MVB12B: variants seen among roughly 807,000 people sequenced by gnomAD.
The protein encoded by MVB12B is ESCRT-I complex subunit MVB12B.
Under a neutral mutation model 41.6 loss-of-function variants are expected in MVB12B, and 16 were observed. That is an observed-to-expected ratio of 0.38 (90% CI 0.26 to 0.58). MVB12B has a LOEUF of 0.58. Ranked by LOEUF, MVB12B falls within the 20% of genes least tolerant of loss-of-function variation. The pLI is 0.62. For missense variants in MVB12B, 274 were observed against 380.2 expected (o/e 0.72, Z 2.32); for synonymous variants, 133 against 139.7 (o/e 0.95, Z 0.34).
intron 6 of MVB12B, among the ~76,000 whole-genome samples, chr9:126,400,737 G>A (rs554143390): frequency 6.6e-6 from 1 of 152,306 alleles, no homozygotes; most frequent in African/African-American, 2.4e-5. Context: ...AGAGGAGGAG[G>A]TATGGATAGT....
intron 2 of MVB12B, among the ~76,000 whole-genome samples, chr9:126,357,535 A>G (rs1829915753): frequency 6.6e-6 from 1 of 152,094 alleles, no homozygotes; most frequent in Non-Finnish European, 1.5e-5. Flanking sequence ...TTTTAATCTT[A>G]ACCATTCTAG....
intron 9 of MVB12B, among the ~76,000 whole-genome samples, chr9:126,499,308 G>A (rs1040048652): frequency 6.6e-6 from 1 of 152,138 alleles, no homozygotes; most frequent in Non-Finnish European, 1.5e-5. Context: ...TCTCTTTCCC[G>A]AGAGAGGCCT....
At chr9:126,443,297 T>C (rs181926719) in intron 7 of MVB12B, among the ~76,000 whole-genome samples, 31 of 152,248 alleles carry the variant, frequency 2.0e-4, no homozygotes, top group African/African-American at 7.2e-4. Flanking sequence ...TGTCCCTCTA[T>C]CCTTCCACCA....
At chr9:126,373,236 G>C (rs929932908) in intron 2 of MVB12B, among the ~76,000 whole-genome samples, 4 of 152,266 alleles carry the variant, frequency 2.6e-5, no homozygotes, top group African/African-American at 9.6e-5. Flanking sequence ...CACTGGATTA[G>C]TCAAATGCCT....
At position 126,369,175 on chromosome 9, in the gene MVB12B, TTTAA is replaced by T. The variant is rs562820914; in HGVS notation, c.205-11884_205-11881del. 2.6e-4 allele frequency among the ~76,000 whole-genome samples: 39 copies of T among 152,356 alleles called. 1 individual carries two copies. The South Asian group carries it at 7.9e-3, about 31-fold the overall frequency. The stretch of plus-strand genomic sequence containing the variant: ...ACAGGATGAACATTTTGAAAAAATT[TTTAA>T]TTAAGAAAGGTATTTGTTGTTTGTC... On this transcript the variant is annotated intron_variant, in intron 2 of 9. Coordinates refer to ENST00000361171, the MANE Select transcript of MVB12B (RefSeq NM_033446.3).
At chr9:126,327,224 G>C (rs1265461144) in intron 1 of MVB12B, 1 of 984,288 alleles carries the variant, frequency 1.0e-6, no homozygotes, top group East Asian at 1.1e-4. Context: ...CGGTGCCCGG[G>C]CTCGGCCTGG....
rs1477379642 is a variant in MVB12B, at chr9:126,398,059, C to A, written c.662+2362C>A. 3.3e-5 allele frequency among the ~76,000 whole-genome samples: 5 copies of A among 152,120 alleles called. No homozygotes were observed. The East Asian group carries it at 9.7e-4, about 29-fold the overall frequency. Reference sequence around the variant, plus strand: ...CCCAGACATTAACGTGCGCTGGCAGCCTCCTCCTCCCCTGGCTTCTGCGCC... The same window carrying A: ...CCCAGACATTAACGTGCGCTGGCAGACTCCTCCTCCCCTGGCTTCTGCGCC... On this transcript the variant is annotated intron_variant, in intron 6 of 9. Coordinates refer to ENST00000361171, the MANE Select transcript of MVB12B (RefSeq NM_033446.3).
chr9:126,403,856 C>T (rs1198992141), intron 6 of MVB12B, among the ~76,000 whole-genome samples: 1 of 152,040 alleles, frequency 6.6e-6, no homozygotes, highest in African/African-American at 2.4e-5. Context: ...TTATGCATCG[C>T]CCTTCCATCC....
chr9:126,502,253 C>T (rs187170150), intron 9 of MVB12B, among the ~76,000 whole-genome samples: 7 of 152,260 alleles, frequency 4.6e-5, no homozygotes, highest in Admixed American at 6.5e-5. Flanking sequence ...CACCTGTGTC[C>T]GGCCAGGCAG....
intron 7 of MVB12B, among the ~76,000 whole-genome samples, chr9:126,424,607 C>T (rs1252569783): frequency 6.6e-6 from 1 of 152,222 alleles, no homozygotes; most frequent in Non-Finnish European, 1.5e-5. Context: ...TCTTCCTGTT[C>T]TTTCACATCC....
In MVB12B at chr9:126,486,507, T is replaced by C. The variant is rs1833622190; in HGVS notation, c.873+2475T>C. ...TTTACCATGGGGTCACGGCAGAACCTGTCTCACGGGGTGCTTTGTGATGCC... is the reference window on the plus strand; with the variant it reads ...TTTACCATGGGGTCACGGCAGAACCCGTCTCACGGGGTGCTTTGTGATGCC... On this transcript the variant is annotated intron_variant, in intron 9 of 9. Transcript: ENST00000361171. This position sits in a 1 kb window ranked among gnomAD's most constrained non-coding sequence, Gnocchi z 4.7. Among the ~76,000 whole-genome samples, 1 of 152,234 alleles carries C rather than the reference T, an allele frequency of 6.6e-6. No homozygotes were observed. Among genetic ancestry groups the C allele is most frequent in the African/African-American group, 2.4e-5 (1 of 41,468 alleles).
chr9:126,357,681 T>G (rs542084028), intron 2 of MVB12B, among the ~76,000 whole-genome samples: 1 of 152,306 alleles, frequency 6.6e-6, no homozygotes, highest in South Asian at 2.1e-4. Context: ...TTCACTGGGT[T>G]ATTTGTCTTA....
intron 2 of MVB12B, among the ~76,000 whole-genome samples, chr9:126,375,120 C>T (rs1257144801): frequency 6.6e-6 from 1 of 151,980 alleles, no homozygotes; most frequent in African/African-American, 2.4e-5. Context: ...TTATAATCTC[C>T]TCCCATTAGG....
At chr9:126,450,784 T>C (rs1832873982) in intron 7 of MVB12B, among the ~76,000 whole-genome samples, 1 of 152,204 alleles carries the variant, frequency 6.6e-6, no homozygotes, top group African/African-American at 2.4e-5. Flanking sequence ...ACACAGCTAA[T>C]GAGAGCTGGG....
In MVB12B at chr9:126,505,643, C is replaced by T. The variant is rs1466880718; in HGVS notation, c.*2380C>T. On this transcript the variant is annotated 3_prime_UTR_variant, in exon 10 of 10. Coordinates refer to ENST00000361171, the MANE Select transcript of MVB12B (RefSeq NM_033446.3). ...TTGCCTTCTGAGAGGTGGGTGAGGACAAGCATGTGCCTGTGTGTGTGTGTG... is the reference window on the plus strand; with the variant it reads ...TTGCCTTCTGAGAGGTGGGTGAGGATAAGCATGTGCCTGTGTGTGTGTGTG... The T allele has an allele frequency of 6.7e-6, 1 of 149,110 alleles. No homozygotes were observed. Among genetic ancestry groups the T allele is most frequent in the East Asian group, 2.0e-4 (1 of 5,000 alleles). The allele number at this position is 149,110 out of a possible 1,614,324, so 9.2% of individuals were successfully genotyped here.
chr9:126,371,942 A>G (rs1448929811), intron 2 of MVB12B, among the ~76,000 whole-genome samples: 2 of 152,176 alleles, frequency 1.3e-5, no homozygotes, highest in African/African-American at 4.8e-5. Flanking sequence ...GGTTTTTAGT[A>G]TAGCCACAGA....
In MVB12B at chr9:126,391,759, G is replaced by T. The variant is rs892793432; in HGVS notation, c.410-307G>T. Among the ~76,000 whole-genome samples, 2 of 152,222 alleles carry T rather than the reference G, an allele frequency of 1.3e-5. No individual in the cohort carries two copies. Among genetic ancestry groups the T allele is most frequent in the Admixed American group, 1.3e-4 (2 of 15,288 alleles). ...ATGTGTTAATGCTCAGGGCGTCAGT[G>T]TGCAGGTTTCTGATGGCTGAGCAGT... On this transcript the variant is annotated intron_variant, in intron 4 of 9. Coordinates refer to ENST00000361171, the MANE Select transcript of MVB12B (RefSeq NM_033446.3). The surrounding 1 kb of genome is among the most constrained non-coding windows in gnomAD (Gnocchi z 4.4).
chr9:126,500,692 ACTAT>A (rs1436540567), intron 9 of MVB12B, among the ~76,000 whole-genome samples: 1 of 152,150 alleles, frequency 6.6e-6, no homozygotes, highest in Non-Finnish European at 1.5e-5. Context: ...TGATGGCCTA[ACTAT>A]CCACGCCGTA....
intron 7 of MVB12B, among the ~76,000 whole-genome samples, chr9:126,426,205 T>A (rs1410900601): frequency 6.6e-6 from 1 of 152,216 alleles, no homozygotes; most frequent in Non-Finnish European, 1.5e-5. Flanking sequence ...CAGAAAACAT[T>A]TGCCAACCCC....
Sources: gnomAD v4.1 joint callset for allele counts (sites outside exome capture counted in the v4.1 genomes callset) on GRCh38, gnomAD v4.1.1 for gene constraint, Gnocchi (gnomAD v3.1) non-coding constraint, MANE v1.5 for transcripts, NCBI Gene and HGNC (gene_info 2026-07-23, HGNC 2026-07-21) for gene names.